The following CX3CL1 variants were observed in gnomAD, a reference collection of about 807,000 sequenced individuals.
CX3CL1 encodes the protein C-X3-C motif chemokine ligand 1.
A neutral mutation model predicts 14.1 loss-of-function variants in CX3CL1; 1 was observed. That is an observed-to-expected ratio of 0.07 (90% CI 0.03 to 0.34). The LOEUF (loss-of-function observed/expected upper bound fraction) is 0.34. CX3CL1 is among the 10% of genes least tolerant of loss of function. The pLI is 0.99. For missense variants in CX3CL1, 505 were observed against 536.4 expected, an observed-to-expected ratio of 0.94 and a Z score of 0.58; for synonymous variants, 255 against 229.6, an observed-to-expected ratio of 1.11 and a Z score of -1.00.
Position 57,381,617 on chromosome 16 carries a change from T to G in CX3CL1, c.192-413T>G, listed in dbSNP as rs116460307. Among the ~76,000 whole-genome samples the G allele has an allele frequency of 5.0e-3, 757 of 152,224 alleles. 3 individuals carry two copies. The highest frequency in any genetic ancestry group is 0.017 in the African/African-American group (716 of 41,528). ...GTAACAATATTATCGACATTGTTAT[T>G]ATTTTCAGCTATTACTGATCTACTC... On this transcript the variant is annotated intron_variant, in intron 2 of 2. Transcript: ENST00000006053.
At chr16:57,379,565 T>C in intron 1 of CX3CL1, 69 bp from the exon 2 acceptor site, 2 of 1,604,216 alleles carry the variant, frequency 1.2e-6, no homozygotes, top group South Asian at 1.1e-5. Context: ...GCCGGGACAA[T>C]CTGGCACGGG....
At position 57,379,707 on chromosome 16, in the gene CX3CL1, C is replaced by T. The variant is rs1902293936; in HGVS notation, c.144C>T (p.Leu48=). The T allele has an allele frequency of 1.2e-6, 2 of 1,614,190 alleles. No individual in the cohort carries two copies. The highest frequency in any genetic ancestry group is 1.7e-5 in the Admixed American group (1 of 60,028). ...CATCAAAGATACCTGTAGCTTTGCT[C>T]ATCCACTATCAACAGAACCAGGCAT... ...KMTSKIPVAL[L]IHYQQNQASC... The change falls in exon 2 of 3, where the codon CTC becomes CTT. Residue 48 remains leucine (L), a synonymous_variant. Transcript: ENST00000006053.
In CX3CL1 at chr16:57,382,831, C is replaced by T. The variant is rs1567555077; in HGVS notation, c.993C>T (p.Val331=). The part of the protein sequence containing the change: ...PQRLGVLITP[V]PDAQAATRRQ... ...GGCTGGGCGTCCTTATCACTCCTGT[C>T]CCTGACGCCCAGGCTGCCACCCGGA... is the stretch of plus-strand genomic sequence containing the variant. Residue 331 remains valine, a synonymous_variant, in exon 3 of 3, where the codon GTC becomes GTT. Transcript: ENST00000006053. This position sits in a 1 kb window ranked among gnomAD's most constrained non-coding sequence, Gnocchi z 6.9. 1 of 1,567,424 alleles carries T rather than the reference C, an allele frequency of 6.4e-7. No homozygotes were observed. The highest frequency in any genetic ancestry group is 8.7e-7 in the Non-Finnish European group (1 of 1,153,212).
chr16:57,373,516 C>T (rs1902206751), intron 1 of CX3CL1, among the ~76,000 whole-genome samples: 1 of 152,222 alleles, frequency 6.6e-6, no homozygotes, highest in African/African-American at 2.4e-5. Flanking sequence ...GGGAGTGCCC[C>T]CACCATCTGG....
Position 57,382,184 on chromosome 16 carries a change from C to G in CX3CL1, c.346C>G (p.Pro116Ala), listed in dbSNP as rs1162216731. The G allele has an allele frequency of 6.2e-7, 1 of 1,613,494 alleles. No homozygotes were observed. Among genetic ancestry groups the G allele is most frequent in the Non-Finnish European group, 8.5e-7 (1 of 1,179,886 alleles). Residue 116 changes from proline to alanine, a missense_variant, in exon 3 of 3, where the codon CCT becomes GCT. Physicochemically the swap from Pro to Ala is conservative, Grantham distance 27. Transcript: ENST00000006053. The surrounding 1 kb of genome is among the most constrained non-coding windows in gnomAD (Gnocchi z 6.9). ...QIGEVKPRTT[P>A]AAGGMDESVV... ...CGGCGAGGTGAAGCCCAGGACCACC[C>G]CTGCCGCCGGGGGAATGGACGAGTC...
chr16:57,381,851 G>T (rs1902323741), intron 2 of CX3CL1, among the ~76,000 whole-genome samples, 179 bp from the exon 3 acceptor site: 1 of 152,078 alleles, frequency 6.6e-6, no homozygotes, highest in African/African-American at 2.4e-5. Context: ...TGAGGACCTG[G>T]ATGCTCAGGA....
chr16:57,379,642 C>T lies in CX3CL1; in HGVS notation c.79C>T (p.His27Tyr). 6.2e-7 allele frequency: 1 copy of T among 1,614,202 alleles called. No individual in the cohort carries two copies. Among genetic ancestry groups the T allele is most frequent in the African/African-American group, 1.3e-5 (1 of 75,050 alleles). Residue 27 changes from histidine to tyrosine, a missense_variant, in exon 2 of 3, where the codon CAC (histidine) becomes TAC (tyrosine). Transcript: ENST00000006053. ...HLTVLLAGQHHGVTKCNITCS... is the reference protein window; with the variant it reads ...HLTVLLAGQHYGVTKCNITCS... Reference sequence around the variant, plus strand: ...AACCTCTTTGAACTCAGGACAGCACCACGGTGTGACGAAATGCAACATCAC... The same window carrying T: ...AACCTCTTTGAACTCAGGACAGCACTACGGTGTGACGAAATGCAACATCAC...
rs375315757 is a variant in CX3CL1 at position 57,382,162 on chromosome 16, C to T, written c.324C>T (p.Gly108=). The change falls in exon 3 of 3, where the codon GGC becomes GGT. Residue 108 remains glycine, a synonymous_variant. Coordinates refer to ENST00000006053, the MANE Select transcript of CX3CL1 (RefSeq NM_002996.6). This position sits in a 1 kb window ranked among gnomAD's most constrained non-coding sequence, Gnocchi z 6.9. The stretch of plus-strand genomic sequence containing the variant: ...GCGGCACCTTCGAGAAGCAGATCGG[C>T]GAGGTGAAGCCCAGGACCACCCCTG... ...RNGGTFEKQI[G]EVKPRTTPAA... is the part of the protein sequence containing the mutation. 3.5e-5 allele frequency: 56 copies of T among 1,613,814 alleles called. No homozygotes were observed. The East Asian group carries it at 6.9e-4, about 20-fold the overall frequency.
Position 57,382,676 on chromosome 16 carries a change from C to A in CX3CL1, c.838C>A (p.Pro280Thr). 6.2e-7 allele frequency: 1 copy of A among 1,612,262 alleles called. No individual in the cohort carries two copies. The highest frequency in any genetic ancestry group is 8.5e-7 in the Non-Finnish European group (1 of 1,178,886). Residue 280 changes from proline (P) to threonine (T), a missense_variant, in exon 3 of 3, where the codon CCT becomes ACT. Coordinates refer to ENST00000006053, the MANE Select transcript of CX3CL1 (RefSeq NM_002996.6). This position sits in a 1 kb window ranked among gnomAD's most constrained non-coding sequence, Gnocchi z 6.9. ...CACGGATGCCTTCCAGGACTGGGGG[C>A]CTGGCAGCATGGCCCACGTCTCTGT... ...AHTDAFQDWG[P>T]GSMAHVSVVP...
intron 1 of CX3CL1, among the ~76,000 whole-genome samples, 169 bp downstream of exon 1, chr16:57,372,807 C>G (rs1902197492): frequency 6.6e-6 from 1 of 152,196 alleles, no homozygotes; most frequent in African/African-American, 2.4e-5. Flanking sequence ...TCGCTTCCCC[C>G]AGATGCAGCG....
In CX3CL1 at chr16:57,379,747, G is replaced by A. The variant is rs201831570; in HGVS notation, c.184G>A (p.Ala62Thr). 5.6e-6 allele frequency: 9 copies of A among 1,614,106 alleles called. No individual in the cohort carries two copies. The highest frequency in any genetic ancestry group is 4.4e-5 in the South Asian group (4 of 91,092). The part of the protein sequence containing the change: ...QQNQASCGKR[A>T]IILETRQHRL... Reference sequence around the variant, plus strand: ...GAACCAGGCATCATGCGGCAAACGCGCAATCATGTAGGTACTGCCCTCGAG... The same window carrying A: ...GAACCAGGCATCATGCGGCAAACGCACAATCATGTAGGTACTGCCCTCGAG... The change falls in exon 2 of 3, where the codon GCA becomes ACA. Residue 62 changes from alanine to threonine, a missense_variant. By Grantham distance (58) the Ala-to-Thr change is moderately conservative. Transcript: ENST00000006053.
At position 57,382,520 on chromosome 16, in the gene CX3CL1, G is replaced by T; in HGVS notation, c.682G>T (p.Ala228Ser). 6.2e-7 allele frequency: 1 copy of T among 1,613,528 alleles called. No individual in the cohort carries two copies. Residue 228 changes from alanine (A) to serine (S), a missense_variant, in exon 3 of 3, where the codon GCC becomes TCC. Coordinates refer to ENST00000006053, the MANE Select transcript of CX3CL1 (RefSeq NM_002996.6). This position sits in a 1 kb window ranked among gnomAD's most constrained non-coding sequence, Gnocchi z 6.9. The part of the protein sequence containing the change: ...APSTQDPSTQ[A>S]STASSPAPEE... ...GTCCACCCAGGACCCCTCCACCCAG[G>T]CCTCCACTGCGTCCTCCCCAGCCCC...
rs1306994339 is a variant in CX3CL1 at position 57,383,189 on chromosome 16, C to T, written c.*157C>T. On this transcript the variant is annotated 3_prime_UTR_variant, in exon 3 of 3. Coordinates refer to ENST00000006053, the MANE Select transcript of CX3CL1 (RefSeq NM_002996.6). ...CACAAGCTCCAAGCTCCCAGGCATTCCCCAGGAGGCCAGCCTTGACCATTC... is the reference window on the plus strand; with the variant it reads ...CACAAGCTCCAAGCTCCCAGGCATTTCCCAGGAGGCCAGCCTTGACCATTC... 1 of 609,218 alleles carries T rather than the reference C, an allele frequency of 1.6e-6. No homozygotes were observed. Among genetic ancestry groups the T allele is most frequent in the Non-Finnish European group, 2.5e-6 (1 of 406,932 alleles). The allele number at this position is 609,218 out of a possible 1,614,324, so 37.7% of individuals were successfully genotyped here.
In CX3CL1 at chr16:57,382,910, G is replaced by A. The variant is rs768703897; in HGVS notation, c.1072G>A (p.Ala358Thr). ...FLGLLFCLGV[A>T]MFTYQSLQGC... ...TGGCCTCCTCTTCTGCCTGGGGGTG[G>A]CCATGTTCACCTACCAGAGCCTCCA... Residue 358 changes from alanine (A) to threonine (T), a missense_variant, in exon 3 of 3, where the codon GCC (alanine) becomes ACC (threonine). Ala to Thr is a moderately conservative substitution (Grantham distance 58). Transcript: ENST00000006053. The surrounding 1 kb of genome is among the most constrained non-coding windows in gnomAD (Gnocchi z 6.9). The A allele has an allele frequency of 6.4e-6, 10 of 1,550,820 alleles. No homozygotes were observed. Among genetic ancestry groups the A allele is most frequent in the South Asian group, 2.5e-5 (2 of 81,490 alleles).
intron 1 of CX3CL1, 167 bp from the exon 2 acceptor site, chr16:57,379,467 A>T (rs1902289319): frequency 1.6e-6 from 1 of 643,136 alleles, no homozygotes. Context: ...AAACTGAGGC[A>T]TAGAGAAGTT....
chr16:57,380,222 G>A (rs1045443185), intron 2 of CX3CL1, among the ~76,000 whole-genome samples: 3 of 152,138 alleles, frequency 2.0e-5, no homozygotes, highest in African/African-American at 7.2e-5. Flanking sequence ...TTTGCAACTT[G>A]GTTTCCTTGT....
chr16:57,373,696 G>C (rs1451602438), intron 1 of CX3CL1, among the ~76,000 whole-genome samples: 3 of 152,222 alleles, frequency 2.0e-5, no homozygotes, highest in African/African-American at 7.2e-5. Flanking sequence ...GCTTCCTGCT[G>C]TCTGGGCTGG....
At chr16:57,372,774 T>C (rs1192714517) in intron 1 of CX3CL1, 136 bp downstream of exon 1, 8 of 795,090 alleles carry the variant, frequency 1.0e-5, no homozygotes, top group Admixed American at 2.4e-5. Context: ...TCCCCAGGGA[T>C]GTGCGAGAGG....
chr16:57,383,916 A>C lies in CX3CL1; in HGVS notation c.*884A>C, dbSNP rs957689305. 3 of 152,466 alleles carry C rather than the reference A, an allele frequency of 2.0e-5. No homozygotes were observed. Among genetic ancestry groups the C allele is most frequent in the African/African-American group, 7.2e-5 (3 of 41,462 alleles). 9.4% of individuals were successfully genotyped at this position (152,466 alleles called of 1,614,324 possible). On this transcript the variant is annotated 3_prime_UTR_variant, in exon 3 of 3. Coordinates refer to ENST00000006053, the MANE Select transcript of CX3CL1 (RefSeq NM_002996.6). The stretch of plus-strand genomic sequence containing the variant: ...GGACCCTGAGGCCCAGAGGGCCTGC[A>C]AGGGAGTGAGTTGATAGCACAGACC...
Sources: allele counts gnomAD v4.1 joint callset (sites outside exome capture counted in the v4.1 genomes callset), GRCh38; gene constraint gnomAD v4.1.1; non-coding constraint Gnocchi (gnomAD v3.1); transcripts MANE v1.5; gene names NCBI Gene and HGNC (gene_info 2026-07-23, HGNC 2026-07-21).